CACNA1E: variants seen among roughly 807,000 people sequenced by gnomAD.
CACNA1E encodes the protein voltage-dependent R-type calcium channel subunit alpha-1E.
A neutral mutation model predicts 259.2 loss-of-function variants in CACNA1E; 40 were observed. The observed-to-expected ratio is 0.15, with a 90% CI of 0.12 to 0.20. The LOEUF (loss-of-function observed/expected upper bound fraction) is 0.20, where lower values mean the gene tolerates loss of function less well. Among genes scored for constraint, CACNA1E ranks in the 10% least tolerant of loss-of-function variants. The probability of loss-of-function intolerance (pLI) is 1.00; values close to 1 mark genes in which losing one functional copy is unlikely to be tolerated. For synonymous variants in CACNA1E, 1,104 were observed against 1,138.5 expected (o/e 0.97, Z 0.61); for missense variants, 1,874 against 3,040.1 (o/e 0.62, Z 9.02).
At position 181,802,166 on chromosome 1, in the gene CACNA1E, C is replaced by T. The variant is rs971830253; in HGVS notation, c.*3332C>T. The T allele has an allele frequency of 6.6e-6, 1 of 152,260 alleles. No homozygotes were observed. The highest frequency in any genetic ancestry group is 1.5e-5 in the Non-Finnish European group (1 of 68,054). 9.4% of individuals were successfully genotyped at this position (152,260 alleles called of 1,614,324 possible). ...CCCGTGAAGGGCTGGCACCAGCTAG[C>T]ATCCCCTTGGCTCCACATGAGTCAT... On this transcript the variant is annotated 3_prime_UTR_variant, in exon 48 of 48. Transcript: ENST00000367573.
At chr1:181,627,592 A>G (rs961236031) in intron 6 of CACNA1E, among the ~76,000 whole-genome samples, 1 of 152,152 alleles carries the variant, frequency 6.6e-6, no homozygotes, top group Non-Finnish European at 1.5e-5. Context: ...TGTTGGGAAC[A>G]CTGATGTTGG....
At chr1:181,581,891 TC>T (rs1384526305) in intron 6 of CACNA1E, among the ~76,000 whole-genome samples, 3 of 152,220 alleles carry the variant, frequency 2.0e-5, no homozygotes, top group Non-Finnish European at 4.4e-5. Flanking sequence ...CTTCTCTAGA[TC>T]TTTTTAGCCT....
At chr1:181,644,838 C>G (rs547206791) in intron 6 of CACNA1E, among the ~76,000 whole-genome samples, 1 of 152,262 alleles carries the variant, frequency 6.6e-6, no homozygotes, top group East Asian at 1.9e-4. Context: ...GCAAAAGGGC[C>G]GGGCCATTGA....
At chr1:181,575,533 T>C (rs905393635) in intron 3 of CACNA1E, among the ~76,000 whole-genome samples, 4 of 152,204 alleles carry the variant, frequency 2.6e-5, no homozygotes, top group African/African-American at 4.8e-5. Flanking sequence ...CTACCATTTT[T>C]CCCCTCTACA....
chr1:181,582,030 C>T (rs781426441), intron 6 of CACNA1E, among the ~76,000 whole-genome samples: 5 of 152,104 alleles, frequency 3.3e-5, no homozygotes, highest in Admixed American at 1.3e-4. Flanking sequence ...AGAAACTCGA[C>T]GAGACTATAA....
chr1:181,797,878 G>T (rs1661951015), intron 47 of CACNA1E, among the ~76,000 whole-genome samples: 1 of 152,180 alleles, frequency 6.6e-6, no homozygotes, highest in Non-Finnish European at 1.5e-5. Flanking sequence ...CTTCCACAGA[G>T]TTGTCTTTCT....
Position 181,638,608 on chromosome 1 carries a change from A to G in CACNA1E, c.952-12730A>G, listed in dbSNP as rs191157630. On this transcript the variant is annotated intron_variant, in intron 6 of 47. Coordinates refer to ENST00000367573, the MANE Select transcript of CACNA1E (RefSeq NM_001205293.3). ...TGTTATTGTTGCTTGTTGGTTTGTG[A>G]TATGGTTTGGCTGTGTCCCCGCCCA... Among the ~76,000 whole-genome samples the G allele has an allele frequency of 1.2e-4, 18 of 152,048 alleles. No individual in the cohort carries two copies. In the East Asian group the frequency reaches 3.3e-3, roughly 28 times the overall value.
At chr1:181,698,446 G>A (rs1572633933) in intron 7 of CACNA1E, among the ~76,000 whole-genome samples, 1 of 152,300 alleles carries the variant, frequency 6.6e-6, no homozygotes, top group East Asian at 1.9e-4. Flanking sequence ...TGAAGTTGCA[G>A]TTTTTATCAA....
intron 6 of CACNA1E, among the ~76,000 whole-genome samples, chr1:181,647,180 G>A (rs1658351602): frequency 3.3e-5 from 5 of 152,138 alleles, no homozygotes; most frequent in South Asian, 4.1e-4. Context: ...TGAGTGGTGT[G>A]GGATGGAGGG....
chr1:181,461,358 G>A lies in CACNA1E; in HGVS notation c.435-22386G>A, dbSNP rs1210400548. On this transcript the variant is annotated intron_variant, in intron 2 of 11. Coordinates refer to the CACNA1E transcript ENST00000524607. ...AGATCGAGACCATCCTGGCTAACAC[G>A]GTGAAACCCCCTCTCTACTAAAAAT... Among the ~76,000 whole-genome samples, 70 of 151,540 alleles carry A rather than the reference G, an allele frequency of 4.6e-4. 1 individual carries two copies. The highest frequency in any genetic ancestry group is 4.6e-3 in the Admixed American group (70 of 15,252).
At chr1:181,542,736 C>T (rs769714469) in intron 3 of CACNA1E, among the ~76,000 whole-genome samples, 14 of 151,730 alleles carry the variant, frequency 9.2e-5, no homozygotes, top group South Asian at 2.1e-4. Context: ...CAGTCCCGAG[C>T]AGTTCTTTAT....
At chr1:181,717,402 G>T in intron 11 of CACNA1E, 100 bp downstream of exon 11, 1 of 946,812 alleles carries the variant, frequency 1.1e-6, no homozygotes, top group Non-Finnish European at 1.7e-6. Context: ...TGCTAGGAAA[G>T]GTTCTACCTC....
intron 1 of CACNA1E, among the ~76,000 whole-genome samples, chr1:181,380,372 G>A (rs1655378107): frequency 6.6e-6 from 1 of 151,980 alleles, no homozygotes; most frequent in Admixed American, 6.5e-5. Context: ...AGAAAGAAGA[G>A]CAAAGTAAAC....
intron 9 of CACNA1E, 21 bp downstream of exon 9, chr1:181,715,412 CT>C: frequency 6.7e-7 from 1 of 1,495,254 alleles, no homozygotes; most frequent in Non-Finnish European, 9.3e-7. Context: ...GTTCTGATGC[CT>C]TATTCCAGTT....
At chr1:181,699,141 T>C (rs982042548) in intron 7 of CACNA1E, among the ~76,000 whole-genome samples, 2 of 152,184 alleles carry the variant, frequency 1.3e-5, no homozygotes, top group African/African-American at 4.8e-5. Flanking sequence ...AGAGGTAACC[T>C]CCAGAAGAAA....
At chr1:181,488,777 G>T (rs1196492738) in intron 1 of CACNA1E, among the ~76,000 whole-genome samples, 1 of 152,172 alleles carries the variant, frequency 6.6e-6, no homozygotes, top group Non-Finnish European at 1.5e-5. Context: ...AAAGGAGGAA[G>T]AGGAAAGTAA....
chr1:181,737,725 G>A lies in CACNA1E; in HGVS notation c.3552+71G>A. 3 of 1,549,730 alleles carry A rather than the reference G, an allele frequency of 1.9e-6. No individual in the cohort carries two copies. The South Asian group carries it at 3.6e-5, about 19-fold the overall frequency. ...CTCACCCCATCCCAGCACTGGAGGTGAACCGAGATGGTAGCAAGGTTTCTG... is the reference window on the plus strand; with the variant it reads ...CTCACCCCATCCCAGCACTGGAGGTAAACCGAGATGGTAGCAAGGTTTCTG... On this transcript the variant is annotated intron_variant, in intron 23 of 47. Coordinates refer to ENST00000367573, the MANE Select transcript of CACNA1E (RefSeq NM_001205293.3).
chr1:181,605,018 C>T (rs897397691), intron 6 of CACNA1E, among the ~76,000 whole-genome samples: 14 of 151,988 alleles, frequency 9.2e-5, no homozygotes, highest in South Asian at 2.1e-4. Context: ...CAGAAAGCCA[C>T]GCTGTCTAGT....
At chr1:181,375,868 A>G (rs1202680638) in intron 1 of CACNA1E, among the ~76,000 whole-genome samples, 2 of 152,198 alleles carry the variant, frequency 1.3e-5, no homozygotes, top group Non-Finnish European at 2.9e-5. Flanking sequence ...CCCTGCTTAG[A>G]ACTTACCACA....
Sources: allele counts gnomAD v4.1 joint callset (sites outside exome capture counted in the v4.1 genomes callset), GRCh38; gene constraint gnomAD v4.1.1; transcripts MANE v1.5; gene names NCBI Gene and HGNC (gene_info 2026-07-23, HGNC 2026-07-21).